The following GRM7 variants were observed in gnomAD, a reference collection of about 807,000 sequenced individuals.
The protein encoded by GRM7 is metabotropic glutamate receptor 7.
Under a neutral mutation model 84.5 loss-of-function variants are expected in GRM7, and 35 were observed. The ratio of observed to expected loss-of-function variants is 0.41; its 90% confidence interval spans 0.32 to 0.55. The LOEUF (loss-of-function observed/expected upper bound fraction) is 0.55. GRM7 is among the 20% of genes least tolerant of loss of function. GRM7 has a pLI of 0.19. For missense variants in GRM7, 1,003 were observed against 1,194.6 expected, an observed-to-expected ratio of 0.84 and a Z score of 2.36; for synonymous variants, 487 against 455.1, an observed-to-expected ratio of 1.07 and a Z score of -0.89.
intron 1 of GRM7, among the ~76,000 whole-genome samples, chr3:6,989,676 A>G (rs568238677): frequency 6.6e-6 from 1 of 152,368 alleles, no homozygotes; most frequent in South Asian, 2.1e-4. Context: ...AAATGGGAGT[A>G]ATGGAAAAAT....
intron 9 of GRM7, among the ~76,000 whole-genome samples, chr3:7,695,123 A>G (rs1014357092): frequency 6.6e-6 from 1 of 152,218 alleles, no homozygotes; most frequent in African/African-American, 2.4e-5. Flanking sequence ...CATGTCCCCA[A>G]GAAGTCACCC....
At chr3:7,328,836 T>G (rs1398806546) in intron 4 of GRM7, among the ~76,000 whole-genome samples, 1 of 152,104 alleles carries the variant, frequency 6.6e-6, no homozygotes, top group East Asian at 1.9e-4. Flanking sequence ...GGGCCGAGTT[T>G]TGCAGATAGT....
At chr3:7,645,007 C>T (rs1698555017) in intron 8 of GRM7, among the ~76,000 whole-genome samples, 1 of 151,958 alleles carries the variant, frequency 6.6e-6, no homozygotes, top group African/African-American at 2.4e-5. Context: ...TGCAGATGCC[C>T]TTTCAGCTTG....
intron 2 of GRM7, among the ~76,000 whole-genome samples, chr3:7,230,886 C>T (rs938370430): frequency 1.3e-5 from 2 of 152,134 alleles, no homozygotes; most frequent in Non-Finnish European, 2.9e-5. Flanking sequence ...ATTCATGAAT[C>T]TTGGCAGGTT....
intron 1 of GRM7, among the ~76,000 whole-genome samples, chr3:6,973,805 C>A (rs1387007577): frequency 2.0e-5 from 3 of 152,106 alleles, no homozygotes; most frequent in African/African-American, 7.2e-5. Context: ...GAGATGGAGT[C>A]AGAGAGGCAG....
chr3:7,010,616 G>A (rs1019668956), intron 1 of GRM7, among the ~76,000 whole-genome samples: 15 of 152,300 alleles, frequency 9.8e-5, no homozygotes, highest in South Asian at 2.1e-4. Context: ...GGAGATCAAG[G>A]CTAAACTGAT....
At chr3:7,058,190 C>T (rs1697300751) in intron 1 of GRM7, among the ~76,000 whole-genome samples, 1 of 151,816 alleles carries the variant, frequency 6.6e-6, no homozygotes, top group African/African-American at 2.4e-5. Flanking sequence ...ACCTATAGTT[C>T]TAGGAAACTA....
At chr3:6,986,704 C>G (rs960371254) in intron 1 of GRM7, among the ~76,000 whole-genome samples, 1 of 152,198 alleles carries the variant, frequency 6.6e-6, no homozygotes, top group Non-Finnish European at 1.5e-5. Context: ...TAGGATGCCA[C>G]TGTTCTAATC....
At chr3:7,570,200 C>T (rs1044599927) in intron 7 of GRM7, among the ~76,000 whole-genome samples, 7 of 152,092 alleles carry the variant, frequency 4.6e-5, no homozygotes, top group Admixed American at 1.3e-4. Context: ...CCACCCCTGG[C>T]CCCTCCCAAA....
chr3:7,493,429 G>A (rs1294794988), intron 7 of GRM7, among the ~76,000 whole-genome samples: 6 of 151,124 alleles, frequency 4.0e-5, no homozygotes, highest in Admixed American at 4.0e-4. Context: ...ACATTTTTCT[G>A]TGTCTCTAGT....
intron 8 of GRM7, among the ~76,000 whole-genome samples, chr3:7,609,812 A>G (rs1696763526): frequency 6.6e-6 from 1 of 152,172 alleles, no homozygotes; most frequent in Non-Finnish European, 1.5e-5. Flanking sequence ...AAAACCAGCC[A>G]ACATTAGAAA....
intron 7 of GRM7, among the ~76,000 whole-genome samples, chr3:7,562,129 G>A (rs1028201371): frequency 2.7e-4 from 41 of 152,086 alleles, no homozygotes; most frequent in Non-Finnish European, 5.9e-5. Flanking sequence ...TAGGCTTTTT[G>A]TAGGAAGCAT....
At chr3:7,156,383 A>G (rs1374221013) in intron 2 of GRM7, among the ~76,000 whole-genome samples, 2 of 152,180 alleles carry the variant, frequency 1.3e-5, no homozygotes, top group South Asian at 2.1e-4. Flanking sequence ...TAAAGTTTAG[A>G]TGGAGCTTAT....
chr3:7,458,672 A>T (rs1698119652), intron 6 of GRM7, among the ~76,000 whole-genome samples: 3 of 152,172 alleles, frequency 2.0e-5, no homozygotes, highest in African/African-American at 7.2e-5. Context: ...GATGGGGCCC[A>T]TTCTGATGAA....
chr3:6,871,959 G>C (rs188027480), intron 1 of GRM7, among the ~76,000 whole-genome samples: 4 of 152,012 alleles, frequency 2.6e-5, no homozygotes, highest in African/African-American at 9.7e-5. Context: ...AGGCATCCTA[G>C]CTCCCTCTCC....
Position 7,741,382 on chromosome 3 carries a change from T to C in GRM7, c.*976T>C, listed in dbSNP as rs903188910. 2.6e-5 allele frequency: 4 copies of C among 152,628 alleles called. No homozygotes were observed. The highest frequency in any genetic ancestry group is 4.8e-5 in the African/African-American group (2 of 41,456). The allele number at this position is 152,628 out of a possible 1,614,324, so 9.5% of individuals were successfully genotyped here. A position where few individuals can be genotyped will look rare whatever the true frequency, so the allele number is the denominator to read the frequency against. On this transcript the variant is annotated 3_prime_UTR_variant, in exon 10 of 10. Coordinates refer to ENST00000357716, the MANE Select transcript of GRM7 (RefSeq NM_000844.4). The stretch of plus-strand genomic sequence containing the variant: ...AAAAAGCATGTATGTTTTTTACTGT[T>C]TGTAATAAGTACTTTCGTTAATCTT...
At chr3:6,887,586 T>C (rs1005924459) in intron 1 of GRM7, among the ~76,000 whole-genome samples, 2 of 152,218 alleles carry the variant, frequency 1.3e-5, no homozygotes, top group African/African-American at 2.4e-5. Context: ...CTGCATAGTA[T>C]TCCATGGTGT....
At chr3:7,338,217 C>G (rs753459863) in intron 4 of GRM7, among the ~76,000 whole-genome samples, 1 of 151,440 alleles carries the variant, frequency 6.6e-6, no homozygotes, top group Non-Finnish European at 1.5e-5. Flanking sequence ...GAGTTGGAGA[C>G]CATTATTCTA....
intron 1 of GRM7, among the ~76,000 whole-genome samples, chr3:6,888,245 A>G (rs1218129659): frequency 2.6e-5 from 4 of 151,926 alleles, no homozygotes; most frequent in Non-Finnish European, 4.4e-5. Context: ...ATTAGATCCC[A>G]TTTGTCAATT....
Sources: allele counts gnomAD v4.1 joint callset (sites outside exome capture counted in the v4.1 genomes callset), GRCh38; gene constraint gnomAD v4.1.1; transcripts MANE v1.5; gene names NCBI Gene and HGNC (gene_info 2026-07-23, HGNC 2026-07-21).